NAALADL2: variants seen among roughly 807,000 people sequenced by gnomAD.
The protein encoded by NAALADL2 is N-acetylated alpha-linked acidic dipeptidase like 2.
Under a neutral mutation model 87.2 loss-of-function variants are expected in NAALADL2, and 76 were observed. That is an observed-to-expected ratio of 0.87 (90% confidence interval 0.72 to 1.05). The LOEUF (loss-of-function observed/expected upper bound fraction) is 1.05. NAALADL2 is among the 50% of genes least tolerant of loss of function. The probability of loss-of-function intolerance (pLI) is 0.00; values close to 1 mark genes in which losing one functional copy is unlikely to be tolerated. For synonymous variants in NAALADL2, 354 were observed against 331.0 expected, an observed-to-expected ratio of 1.07 and a Z score of -0.75; for missense variants, 1,089 against 945.8, an observed-to-expected ratio of 1.15 and a Z score of -1.99.
intron 11 of NAALADL2, among the ~76,000 whole-genome samples, chr3:175,647,175 A>G (rs1400554997): frequency 6.6e-6 from 1 of 152,166 alleles, no homozygotes; most frequent in Non-Finnish European, 1.5e-5. Context: ...TTCAAAGGAT[A>G]GAAAAATGCA....
intron 1 of NAALADL2, among the ~76,000 whole-genome samples, chr3:174,949,842 T>C (rs1740051335): frequency 6.6e-6 from 1 of 152,174 alleles, no homozygotes; most frequent in Non-Finnish European, 1.5e-5. Flanking sequence ...GCAAGAGTAA[T>C]ACTAATATGT....
At chr3:174,975,742 C>T (rs1487880126) in intron 1 of NAALADL2, among the ~76,000 whole-genome samples, 1 of 152,142 alleles carries the variant, frequency 6.6e-6, no homozygotes, top group Non-Finnish European at 1.5e-5. Flanking sequence ...ACTCTTGGAG[C>T]CATGTGGTAA....
chr3:175,279,802 G>A (rs1227513038), intron 4 of NAALADL2, among the ~76,000 whole-genome samples: 4 of 150,642 alleles, frequency 2.7e-5, no homozygotes, highest in African/African-American at 9.9e-5. Flanking sequence ...GTGTGTGTGT[G>A]TGTGTGTGTG....
chr3:175,368,524 T>C (rs1765978549), intron 5 of NAALADL2, among the ~76,000 whole-genome samples: 1 of 151,976 alleles, frequency 6.6e-6, no homozygotes, highest in Admixed American at 6.6e-5. Context: ...TCTAACACAT[T>C]TTGGTATCTT....
At chr3:175,198,328 A>G (rs1739317453) in intron 2 of NAALADL2, among the ~76,000 whole-genome samples, 2 of 152,094 alleles carry the variant, frequency 1.3e-5, no homozygotes, top group Middle Eastern at 3.4e-3. Context: ...TTAATGTTTA[A>G]AAGTCCATTT....
chr3:175,220,702 C>G (rs1214882555), intron 2 of NAALADL2, among the ~76,000 whole-genome samples: 1 of 151,812 alleles, frequency 6.6e-6, no homozygotes, highest in African/African-American at 2.4e-5. Context: ...TTCATTTTTG[C>G]TATTATTTTT....
At chr3:175,797,758 A>G (rs1753680090) in intron 13 of NAALADL2, among the ~76,000 whole-genome samples, 3 of 152,056 alleles carry the variant, frequency 2.0e-5, no homozygotes, top group Admixed American at 6.6e-5. Context: ...GTGACATTAC[A>G]TGGGAATTCA....
At chr3:174,711,615 T>C (rs190083787) in intron 2 of NAALADL2, among the ~76,000 whole-genome samples, 11 of 152,318 alleles carry the variant, frequency 7.2e-5, no homozygotes, top group Admixed American at 7.2e-4. Flanking sequence ...CTTTCTATTC[T>C]TCAGTGGCAA....
chr3:174,836,649 C>T (rs1158780232), intron 3 of NAALADL2, among the ~76,000 whole-genome samples: 3 of 131,706 alleles, frequency 2.3e-5, no homozygotes, highest in Non-Finnish European at 4.6e-5. Context: ...GCGGAGCTTG[C>T]AGTGAGCCGA....
intron 5 of NAALADL2, among the ~76,000 whole-genome samples, chr3:175,427,676 A>T (rs1717049840): frequency 6.6e-6 from 1 of 152,182 alleles, no homozygotes; most frequent in Admixed American, 6.6e-5. Flanking sequence ...CATTCTCTTA[A>T]AAATATTACA....
intron 2 of NAALADL2, among the ~76,000 whole-genome samples, chr3:174,633,996 T>A (rs1722397325): frequency 6.6e-6 from 1 of 152,214 alleles, no homozygotes; most frequent in Admixed American, 6.5e-5. Flanking sequence ...AAAACAGAAG[T>A]AATAATACTA....
chr3:175,042,851 C>T lies in NAALADL2; in HGVS notation c.44-53939C>T, dbSNP rs115670799. On this transcript the variant is annotated intron_variant, in intron 1 of 13. Transcript: ENST00000454872. Reference sequence around the variant, plus strand: ...GACCTAAAGTGAGTTGTTTTAGTCACGGGGGTGAATCCTTCATAAATTAAT... The same window carrying T: ...GACCTAAAGTGAGTTGTTTTAGTCATGGGGGTGAATCCTTCATAAATTAAT... Among the ~76,000 whole-genome samples the T allele has an allele frequency of 3.7e-3, 569 of 152,148 alleles. 1 individual carries two copies. The highest frequency in any genetic ancestry group is 0.013 in the African/African-American group (542 of 41,512).
chr3:174,662,381 T>C (rs1212598155), intron 2 of NAALADL2, among the ~76,000 whole-genome samples: 1 of 152,178 alleles, frequency 6.6e-6, no homozygotes, highest in East Asian at 1.9e-4. Flanking sequence ...TGAGAACTCA[T>C]AGGGGAAACT....
At chr3:174,915,653 T>C (rs1043540764) in intron 1 of NAALADL2, among the ~76,000 whole-genome samples, 33 of 152,262 alleles carry the variant, frequency 2.2e-4, no homozygotes, top group African/African-American at 7.7e-4. Flanking sequence ...CATTTAAAAA[T>C]TGAATTTTAT....
At chr3:174,998,631 T>C (rs1227045790) in intron 1 of NAALADL2, among the ~76,000 whole-genome samples, 1 of 152,198 alleles carries the variant, frequency 6.6e-6, no homozygotes, top group African/African-American at 2.4e-5. Flanking sequence ...TTTCAAATTT[T>C]CACGTGAATC....
intron 2 of NAALADL2, among the ~76,000 whole-genome samples, chr3:175,179,721 G>C (rs925181032): frequency 1.3e-5 from 2 of 151,922 alleles, no homozygotes; most frequent in Non-Finnish European, 2.9e-5. Context: ...TGAGAGGATT[G>C]CTGGCTTTTT....
chr3:175,560,974 C>T (rs62288383), intron 9 of NAALADL2, among the ~76,000 whole-genome samples: 2 of 151,974 alleles, frequency 1.3e-5, no homozygotes, highest in African/African-American at 4.8e-5. Flanking sequence ...GAAAGTAAGG[C>T]GAGACGACAG....
chr3:175,731,824 G>A lies in NAALADL2; in HGVS notation c.1897-5482G>A, dbSNP rs553870448. 6.4e-4 allele frequency among the ~76,000 whole-genome samples: 98 copies of A among 152,172 alleles called. 1 individual carries two copies. Among genetic ancestry groups the A allele is most frequent in the African/African-American group, 2.4e-3 (98 of 41,522 alleles). On this transcript the variant is annotated intron_variant, in intron 11 of 13. Coordinates refer to ENST00000454872, the MANE Select transcript of NAALADL2 (RefSeq NM_207015.3). ...TTCTCCAGCAGCACTCAGAGAAGTC[G>A]CCTTTCTCCCTCCTCCTTTTTCTTT... is the stretch of plus-strand genomic sequence containing the variant.
chr3:174,920,019 T>A (rs895570905), intron 1 of NAALADL2, among the ~76,000 whole-genome samples: 5 of 152,200 alleles, frequency 3.3e-5, no homozygotes, highest in Admixed American at 6.5e-5. Context: ...GCTTGAAATA[T>A]TCAGTAGACC....
Sources: gnomAD v4.1 joint callset for allele counts (sites outside exome capture counted in the v4.1 genomes callset) on GRCh38, gnomAD v4.1.1 for gene constraint, MANE v1.5 for transcripts, NCBI Gene and HGNC (gene_info 2026-07-23, HGNC 2026-07-21) for gene names.